The following ZNF678 variants were observed in gnomAD, a reference collection of about 807,000 sequenced individuals.
The protein encoded by ZNF678 is zinc finger protein 678, also known as hypothetical protein MGC42493.
ZNF678 carries 5 observed loss-of-function variants against 3.0 expected under a neutral mutation model. That is an observed-to-expected ratio of 1.69 (90% confidence interval 0.88 to 3.56). ZNF678 has a LOEUF of 3.56. ZNF678 is among the 30% of genes most tolerant of loss of function. ZNF678 has a pLI of 0.00. For synonymous variants in ZNF678, 218 were observed against 199.6 expected (o/e 1.09, Z -0.78); for missense variants, 593 against 605.0 (o/e 0.98, Z 0.21).
chr1:227,642,813 A>G (rs1461414786), intron 1 of ZNF678, among the ~76,000 whole-genome samples: 2 of 152,100 alleles, frequency 1.3e-5, no homozygotes, highest in Non-Finnish European at 2.9e-5. Flanking sequence ...CCCTCACAGA[A>G]TGAATCTTCT....
intron 1 of ZNF678, among the ~76,000 whole-genome samples, chr1:227,642,741 TG>T: frequency 6.6e-6 from 1 of 151,448 alleles, no homozygotes. Context: ...AGACTGTTGA[TG>T]GGGTTGTATT....
At position 227,658,221 on chromosome 1, in the gene ZNF678, A is replaced by G. The variant is rs1659299794; in HGVS notation, c.*2393A>G. On this transcript the variant is annotated 3_prime_UTR_variant, in exon 4 of 4. Transcript: ENST00000343776. ...TAATTGAATTTTTTTCACTTTATTG[A>G]GCCATTTTGTTTAGATGTACACTGG... 1 of 151,780 alleles carries G rather than the reference A, an allele frequency of 6.6e-6. No individual in the cohort carries two copies. The highest frequency in any genetic ancestry group is 1.9e-4 in the East Asian group (1 of 5,182). 9.4% of individuals were successfully genotyped at this position (151,780 alleles called of 1,614,324 possible). A position where few individuals can be genotyped will look rare whatever the true frequency, so the allele number is the denominator to read the frequency against.
At chr1:227,598,980 A>G in intron 1 of ZNF678, 1 of 1,164,134 alleles carries the variant, frequency 8.6e-7, no homozygotes, top group Non-Finnish European at 1.3e-6. Context: ...AAATTCAGCC[A>G]AAACCTTGGA....
At chr1:227,568,648 G>T (rs1475997486) in intron 1 of ZNF678, among the ~76,000 whole-genome samples, 1 of 152,216 alleles carries the variant, frequency 6.6e-6, no homozygotes, top group African/African-American at 2.4e-5. Flanking sequence ...GAGGAGTTCT[G>T]TCAAATTATT....
rs1659376812 is a variant in ZNF678 at position 227,660,556 on chromosome 1, A to T, written c.*4728A>T. On this transcript the variant is annotated 3_prime_UTR_variant, in exon 4 of 4. Coordinates refer to ENST00000343776, the MANE Select transcript of ZNF678 (RefSeq NM_001367909.1). ...TTTGTTGTTAGTGTATAGAAATGCT[A>T]CTGACCCTTATATCTTGATTTTGTA... The T allele has an allele frequency of 6.6e-6, 1 of 152,086 alleles. No individual in the cohort carries two copies. Among genetic ancestry groups the T allele is most frequent in the South Asian group, 2.1e-4 (1 of 4,820 alleles). The allele number at this position is 152,086 out of a possible 1,614,324, so 9.4% of individuals were successfully genotyped here. A position where few individuals can be genotyped will look rare whatever the true frequency, so the allele number is the denominator to read the frequency against.
intron 5 of ZNF678, among the ~76,000 whole-genome samples, chr1:227,670,967 A>AT (rs139606967): frequency 0.26 from 33,588 of 128,194 alleles, 4,690 homozygotes; most frequent in African/African-American, 0.44. Context: ...GAGGCCTTTT[A>AT]TTTTTTTTTT....
chr1:227,613,246 C>T (rs1055010340), intron 1 of ZNF678, among the ~76,000 whole-genome samples: 15 of 152,168 alleles, frequency 9.9e-5, no homozygotes, highest in African/African-American at 3.4e-4. Flanking sequence ...CTGCATTATT[C>T]TTCAGGCCAA....
intron 1 of ZNF678, among the ~76,000 whole-genome samples, chr1:227,564,747 T>G (rs1274453514): frequency 6.6e-6 from 1 of 152,236 alleles, no homozygotes; most frequent in Admixed American, 6.5e-5. Flanking sequence ...TTGTTTTTTC[T>G]TTAAGAAGGA....
chr1:227,598,761 T>G (rs1277312343), intron 1 of ZNF678: 2 of 530,860 alleles, frequency 3.8e-6, no homozygotes, highest in East Asian at 8.5e-5. Context: ...TCAACGGTTC[T>G]TTTTCTTTCT....
chr1:227,648,039 A>G (rs377558866), intron 2 of ZNF678, among the ~76,000 whole-genome samples: 1 of 152,188 alleles, frequency 6.6e-6, no homozygotes, highest in Non-Finnish European at 1.5e-5. Context: ...AACACTAAAT[A>G]TAAGAAAATC....
At position 227,641,443 on chromosome 1, in the gene ZNF678, G is replaced by A. The variant is rs1176229172; in HGVS notation, c.-163-5101G>A. 2.6e-5 allele frequency among the ~76,000 whole-genome samples: 4 copies of A among 152,230 alleles called. No homozygotes were observed. In the East Asian group the frequency reaches 7.7e-4, roughly 29 times the overall value. ...TTGTTTTTGCAGTCTCTTAGCAGAT[G>A]ACGTGATATATGTCACATTGTGGTT... On this transcript the variant is annotated intron_variant, in intron 1 of 3. Transcript: ENST00000343776.
chr1:227,672,116 G>GA (rs1397235524), intron 5 of ZNF678, among the ~76,000 whole-genome samples: 3 of 152,096 alleles, frequency 2.0e-5, no homozygotes, highest in African/African-American at 4.8e-5. Context: ...AAGGTAGATT[G>GA]AAAAAAACTC....
intron 1 of ZNF678, among the ~76,000 whole-genome samples, chr1:227,631,639 G>T (rs1174220734): frequency 6.6e-6 from 1 of 152,182 alleles, no homozygotes; most frequent in African/African-American, 2.4e-5. Flanking sequence ...TGTTGCCCCA[G>T]ATTAAGTCCT....
intron 3 of ZNF678, among the ~76,000 whole-genome samples, chr1:227,651,913 T>C (rs1385864767): frequency 6.6e-6 from 1 of 152,174 alleles, no homozygotes; most frequent in Non-Finnish European, 1.5e-5. Flanking sequence ...GACTGATAAA[T>C]TTTTGTTGCT....
chr1:227,598,084 A>G (rs901323223), intron 1 of ZNF678, among the ~76,000 whole-genome samples: 8 of 152,222 alleles, frequency 5.3e-5, no homozygotes, highest in Non-Finnish European at 1.2e-4. Flanking sequence ...ATTTCTGACT[A>G]CATCTCAAAG....
intron 1 of ZNF678, among the ~76,000 whole-genome samples, chr1:227,617,698 G>A (rs1386964317): frequency 6.6e-6 from 1 of 152,110 alleles, no homozygotes; most frequent in Non-Finnish European, 1.5e-5. Context: ...TTGCCTGGAT[G>A]GTCAGTGATT....
Position 227,641,820 on chromosome 1 carries a change from C to T in ZNF678, c.-163-4724C>T, listed in dbSNP as rs74666666. 2.4e-3 allele frequency among the ~76,000 whole-genome samples: 370 copies of T among 152,184 alleles called. 3 individuals carry two copies. The highest frequency in any genetic ancestry group is 4.5e-3 in the Non-Finnish European group (305 of 68,004). On this transcript the variant is annotated intron_variant, in intron 1 of 3. Coordinates refer to ENST00000343776, the MANE Select transcript of ZNF678 (RefSeq NM_001367909.1). ...CTTCCAGCTCTTTCTTTTAATGCCC[C>T]GGCATCTTCAGACCCAAAACTGAGT...
intron 2 of ZNF678, among the ~76,000 whole-genome samples, chr1:227,649,629 C>T (rs1659044026): frequency 6.6e-6 from 1 of 152,288 alleles, no homozygotes; most frequent in Middle Eastern, 3.4e-3. Flanking sequence ...GGATTATAGA[C>T]ATGAGCCACT....
At chr1:227,601,407 A>G (rs1023681329) in intron 1 of ZNF678, among the ~76,000 whole-genome samples, 4 of 150,302 alleles carry the variant, frequency 2.7e-5, no homozygotes, top group African/African-American at 9.8e-5. Context: ...TCTGATTTTT[A>G]TTTGAGCAGT....
Sources: gnomAD v4.1 joint callset for allele counts (sites outside exome capture counted in the v4.1 genomes callset) on GRCh38, gnomAD v4.1.1 for gene constraint, MANE v1.5 for transcripts, NCBI Gene and HGNC (gene_info 2026-07-23, HGNC 2026-07-21) for gene names.